CRB1: variants seen among roughly 807,000 people sequenced by gnomAD.
The protein encoded by CRB1 is crumbs cell polarity complex component 1.
Under a neutral mutation model 120.0 loss-of-function variants are expected in CRB1, and 83 were observed. That is an observed-to-expected ratio of 0.69 (90% CI 0.58 to 0.83). CRB1 has a LOEUF of 0.83. Ranked by LOEUF, CRB1 falls within the 40% of genes least tolerant of loss-of-function variation. CRB1 has a pLI of 0.00. For missense variants in CRB1, 1,699 were observed against 1,687.6 expected (o/e 1.01, Z -0.12); for synonymous variants, 625 against 612.5 (o/e 1.02, Z -0.30).
In CRB1 at chr1:197,357,878, A is replaced by AAT. The variant is rs1415516449; in HGVS notation, c.1171+866_1171+867dup. 2.6e-5 allele frequency: 4 copies of AAT among 152,222 alleles called. 1 individual carries two copies. The highest frequency in any genetic ancestry group is 9.6e-5 in the African/African-American group (4 of 41,462). 9.4% of individuals were successfully genotyped at this position (152,222 alleles called of 1,614,324 possible). A position where few individuals can be genotyped will look rare whatever the true frequency, so the allele number is the denominator to read the frequency against. On this transcript the variant is annotated intron_variant, in intron 5 of 11. Coordinates refer to ENST00000367400, the MANE Select transcript of CRB1 (RefSeq NM_201253.3). ...TGTTTGCTGCAAGGTCGATAAAAAA[A>AAT]ATGTTTATTTCCTTATTCACTGACC...
chr1:197,384,648 A>G (rs1321041899), intron 5 of CRB1, among the ~76,000 whole-genome samples: 1 of 152,080 alleles, frequency 6.6e-6, no homozygotes, highest in Admixed American at 6.6e-5. Context: ...CTCAACATTG[A>G]CAATAAAATG....
chr1:197,228,438 A>G, the CRB1 span, among the ~76,000 whole-genome samples: 5 of 152,316 alleles, frequency 3.3e-5, no homozygotes, highest in South Asian at 2.1e-4. Flanking sequence ...GGGCGGGGCA[A>G]TATGCCACCA....
rs757652004 is a variant in CRB1, at chr1:197,308,527, A to G, written c.71-19895A>G. On this transcript the variant is annotated intron_variant, in intron 1 of 11. Coordinates refer to ENST00000367400, the MANE Select transcript of CRB1 (RefSeq NM_201253.3). ...TTATGAAGATTAAATGAGCTAATCT[A>G]TATAAAAATTTTTAAAAAGTGCTAG... Among the ~76,000 whole-genome samples the G allele has an allele frequency of 3.3e-4, 50 of 152,358 alleles. 1 individual carries two copies. Among genetic ancestry groups the G allele is most frequent in the East Asian group, 1.9e-4 (1 of 5,194 alleles).
chr1:197,460,728 T>C (rs554553470), intron 11 of CRB1, among the ~76,000 whole-genome samples: 1 of 152,312 alleles, frequency 6.6e-6, no homozygotes, highest in South Asian at 2.1e-4. Context: ...TTCTGTTTCC[T>C]AGTTTGTGAA....
At chr1:197,400,471 ATT>A (rs5779868) in intron 5 of CRB1, among the ~76,000 whole-genome samples, 12 of 146,930 alleles carry the variant, frequency 8.2e-5, no homozygotes, top group African/African-American at 1.8e-4. Flanking sequence ...GTAAAAGAGC[ATT>A]TTTTTTTTTT....
At chr1:197,336,764 A>G (rs1659179111) in intron 2 of CRB1, among the ~76,000 whole-genome samples, 1 of 152,230 alleles carries the variant, frequency 6.6e-6, no homozygotes, top group Non-Finnish European at 1.5e-5. Context: ...TTCTGGGATC[A>G]GGAATGTAAA....
chr1:197,238,938 T>C, the CRB1 span, among the ~76,000 whole-genome samples: 1 of 152,108 alleles, frequency 6.6e-6, no homozygotes, highest in African/African-American at 2.4e-5. Context: ...TATATCGACC[T>C]GTGAAAAGTG....
At position 197,438,571 on chromosome 1, in the gene CRB1, C is replaced by T. The variant is rs1571564436; in HGVS notation, c.3774C>T (p.Val1258=). 1.2e-6 allele frequency: 2 copies of T among 1,612,684 alleles called. No homozygotes were observed. Among genetic ancestry groups the T allele is most frequent in the East Asian group, 2.2e-5 (1 of 44,834 alleles). The part of the protein sequence containing the change: ...FCRQSRLPST[V]CGNEKTNLTC... ...GACAGAGCAGATTACCCTCAACAGT[C>T]TGTGGGAATGAGAAGACAAATCTCA... Residue 1258 remains valine (V), a synonymous_variant, in exon 10 of 12, where the codon GTC becomes GTT. Transcript: ENST00000367400.
At chr1:197,450,784 C>CAAAAAAAAAAAAAA (rs71131758) in intron 11 of CRB1, among the ~76,000 whole-genome samples, 1 of 59,614 alleles carries the variant, frequency 1.7e-5, no homozygotes, top group Non-Finnish European at 2.8e-5. Context: ...ACTAAAAATA[C>CAAAAAAAAAAAAAA]AAAAAAAAAA....
At chr1:197,229,549 G>C in the CRB1 span, among the ~76,000 whole-genome samples, 1 of 152,074 alleles carries the variant, frequency 6.6e-6, no homozygotes, top group South Asian at 2.1e-4. Context: ...GAGTGATCCC[G>C]TCACCCAGGT....
chr1:197,233,866 A>G, the CRB1 span, among the ~76,000 whole-genome samples: 1 of 152,232 alleles, frequency 6.6e-6, no homozygotes, highest in Non-Finnish European at 1.5e-5. Flanking sequence ...GGTTCTTCTA[A>G]TAAGCTCTCT....
chr1:197,307,337 T>C (rs939352191), intron 1 of CRB1, among the ~76,000 whole-genome samples: 3 of 152,166 alleles, frequency 2.0e-5, no homozygotes, highest in African/African-American at 7.2e-5. Flanking sequence ...TTACAGCTTG[T>C]TTGGACAGGA....
chr1:197,420,349 A>G (rs967116642), intron 5 of CRB1, among the ~76,000 whole-genome samples: 6 of 151,658 alleles, frequency 4.0e-5, no homozygotes, highest in African/African-American at 1.2e-4. Flanking sequence ...TTGGAATCAG[A>G]AAAAAAAAGT....
At chr1:197,246,646 T>C in the CRB1 span, among the ~76,000 whole-genome samples, 2 of 152,104 alleles carry the variant, frequency 1.3e-5, no homozygotes, top group Non-Finnish European at 2.9e-5. Flanking sequence ...AGAATTATTT[T>C]AGATAATTAA....
At chr1:197,378,374 AT>A in intron 5 of CRB1, among the ~76,000 whole-genome samples, 1 of 152,342 alleles carries the variant, frequency 6.6e-6, no homozygotes, top group Middle Eastern at 3.4e-3. Flanking sequence ...AGGTGGCTAT[AT>A]TGATATCTTA....
the CRB1 span, among the ~76,000 whole-genome samples, chr1:197,262,157 C>A: frequency 1.3e-5 from 2 of 152,002 alleles, no homozygotes; most frequent in Admixed American, 6.5e-5. Context: ...TATAATATAC[C>A]TTTTGTATAG....
intron 11 of CRB1, among the ~76,000 whole-genome samples, chr1:197,451,582 C>G (rs1558150484): frequency 6.6e-6 from 1 of 152,190 alleles, no homozygotes; most frequent in Non-Finnish European, 1.5e-5. Context: ...CGATTCTGCC[C>G]CATTCAGAGC....
chr1:197,369,356 C>T lies in CRB1; in HGVS notation c.1171+12343C>T, dbSNP rs187264692. Among the ~76,000 whole-genome samples the T allele has an allele frequency of 1.8e-3, 276 of 152,108 alleles. 3 individuals carry two copies. The East Asian group carries it at 0.02, about 11-fold the overall frequency. ...AGAAACACCCCTCTCCTCCTGCATCCCCTCCCCAACCACCATGACACGCAC... is the reference window on the plus strand; with the variant it reads ...AGAAACACCCCTCTCCTCCTGCATCTCCTCCCCAACCACCATGACACGCAC... On this transcript the variant is annotated intron_variant, in intron 5 of 11. Transcript: ENST00000367400.
intron 5 of CRB1, among the ~76,000 whole-genome samples, chr1:197,395,474 A>C (rs2125422304): frequency 6.6e-6 from 1 of 152,306 alleles, no homozygotes; most frequent in Middle Eastern, 3.4e-3. Flanking sequence ...AAAAATTAAC[A>C]GAGCAGATTA....
Sources: gnomAD v4.1 joint callset for allele counts (sites outside exome capture counted in the v4.1 genomes callset) on GRCh38, gnomAD v4.1.1 for gene constraint, MANE v1.5 for transcripts, NCBI Gene and HGNC (gene_info 2026-07-23, HGNC 2026-07-21) for gene names.